ARHGAP6: variants seen among roughly 807,000 people sequenced by gnomAD.
ARHGAP6 encodes the protein Rho GTPase activating protein 6.
A neutral mutation model predicts 55.7 loss-of-function variants in ARHGAP6; 16 were observed. The observed-to-expected ratio is 0.29, with a 90% confidence interval of 0.19 to 0.44. The LOEUF (loss-of-function observed/expected upper bound fraction) is 0.44, where lower values mean the gene tolerates loss of function less well. Among genes scored for constraint, ARHGAP6 ranks in the 20% least tolerant of loss-of-function variants. The pLI, the probability that ARHGAP6 is intolerant of heterozygous loss-of-function variation, is 1.00. For synonymous variants in ARHGAP6, 382 were observed against 360.9 expected (o/e 1.06, Z -0.66); for missense variants, 698 against 808.9 (o/e 0.86, Z 1.66).
At chrX:11,526,956 T>C (rs1033715600) in intron 1 of ARHGAP6, among the ~76,000 whole-genome samples, 2 of 109,267 alleles carry the variant, frequency 1.8e-5, no homozygotes, top group Non-Finnish European at 3.8e-5. Context: ...ATTGATATAA[T>C]GGTTGGAAAA....
intron 1 of ARHGAP6, among the ~76,000 whole-genome samples, chrX:11,531,206 T>G (rs1012968282): frequency 1.8e-5 from 2 of 111,664 alleles, no homozygotes; most frequent in Non-Finnish European, 3.8e-5. Context: ...TCAACTTGCC[T>G]GCAGGTACAG....
intron 1 of ARHGAP6, among the ~76,000 whole-genome samples, chrX:11,339,166 T>G (rs2048674183): frequency 1.8e-5 from 2 of 112,252 alleles, no homozygotes; most frequent in African/African-American, 6.5e-5. Flanking sequence ...CAACAAATAT[T>G]TGCTGAAGGA....
At chrX:11,367,709 A>C in intron 1 of ARHGAP6, 1 of 566,498 alleles carries the variant, frequency 1.8e-6, no homozygotes, top group Non-Finnish European at 2.1e-6. Context: ...TGGAAGTGAC[A>C]GATCTTGTGC....
At chrX:11,273,315 T>C (rs1392987242) in intron 1 of ARHGAP6, among the ~76,000 whole-genome samples, 1 of 110,614 alleles carries the variant, frequency 9.0e-6, no homozygotes, top group Non-Finnish European at 1.9e-5. Context: ...ATTTTTATTT[T>C]AATGAGTCAT....
chrX:11,239,421 A>G (rs2047245627), intron 2 of ARHGAP6, among the ~76,000 whole-genome samples: 1 of 111,342 alleles, frequency 9.0e-6, no homozygotes, highest in Non-Finnish European at 1.9e-5. Flanking sequence ...CTCACAAGCC[A>G]GGCTGAAACT....
intron 1 of ARHGAP6, among the ~76,000 whole-genome samples, chrX:11,593,090 G>A (rs773645761): frequency 2.7e-5 from 3 of 112,107 alleles, no homozygotes; most frequent in Non-Finnish European, 3.8e-5. Context: ...AATTTGCAAC[G>A]AATGACCAGT....
intron 1 of ARHGAP6, among the ~76,000 whole-genome samples, chrX:11,359,833 G>A (rs1343335941): frequency 2.7e-5 from 3 of 111,076 alleles, no homozygotes; most frequent in African/African-American, 6.5e-5. Flanking sequence ...TATCACCACC[G>A]ATCCCACAGA....
In ARHGAP6 at chrX:11,138,737, T is replaced by A; in HGVS notation, c.*126A>T. The A allele has an allele frequency of 1.3e-6, 1 of 777,693 alleles. No individual in the cohort carries two copies. Among genetic ancestry groups the A allele is most frequent in the African/African-American group, 2.1e-5 (1 of 47,368 alleles). The allele number at this position is 777,693 out of a possible 1,213,427, so 64.1% of individuals were successfully genotyped here. A position where few individuals can be genotyped will look rare whatever the true frequency, so the allele number is the denominator to read the frequency against. Reference sequence around the variant, plus strand: ...TCTACCTCTGTAGGTGAACTGGATTTCTCTTGTGTCACTTTTGAGAAGTGT... The same window carrying A: ...TCTACCTCTGTAGGTGAACTGGATTACTCTTGTGTCACTTTTGAGAAGTGT... On this transcript the variant is annotated 3_prime_UTR_variant, in exon 13 of 13. Transcript: ENST00000337414.
At chrX:11,254,728 A>C (rs1446634118) in intron 1 of ARHGAP6, 21 bp from the exon 2 acceptor site, 1 of 1,145,431 alleles carries the variant, frequency 8.7e-7, no homozygotes, top group Non-Finnish European at 1.2e-6. Context: ...AAAAAAAAAA[A>C]AAAAAAAAAA....
At chrX:11,393,034 G>A (rs1379334987) in intron 1 of ARHGAP6, among the ~76,000 whole-genome samples, 1 of 110,958 alleles carries the variant, frequency 9.0e-6, no homozygotes, top group African/African-American at 3.3e-5. Context: ...ATCAAATTCA[G>A]GAAATAGTCA....
intron 1 of ARHGAP6, among the ~76,000 whole-genome samples, chrX:11,517,420 C>A (rs2050853562): frequency 9.0e-6 from 1 of 111,117 alleles, no homozygotes; most frequent in Non-Finnish European, 1.9e-5. Context: ...GAATCAGAGC[C>A]AATAAAACAA....
At chrX:11,381,350 TC>T (rs1422848495) in intron 1 of ARHGAP6, among the ~76,000 whole-genome samples, 1 of 112,379 alleles carries the variant, frequency 8.9e-6, no homozygotes, top group African/African-American at 3.2e-5. Context: ...AAAATCTAGT[TC>T]CATGGCTAAT....
intron 1 of ARHGAP6, among the ~76,000 whole-genome samples, chrX:11,394,964 A>G (rs2049459054): frequency 8.9e-6 from 1 of 112,221 alleles, no homozygotes; most frequent in African/African-American, 3.2e-5. Flanking sequence ...GCAGAACATT[A>G]GTCATGTTGT....
At chrX:11,367,280 C>T (rs185679280) in intron 1 of ARHGAP6, among the ~76,000 whole-genome samples, 28 of 111,827 alleles carry the variant, frequency 2.5e-4, no homozygotes, top group Middle Eastern at 4.6e-3. Context: ...AAAGAGATGG[C>T]TTTCAGAAGA....
At chrX:11,348,644 T>G (rs2048818026) in intron 1 of ARHGAP6, among the ~76,000 whole-genome samples, 1 of 111,624 alleles carries the variant, frequency 9.0e-6, no homozygotes, top group Non-Finnish European at 1.9e-5. Flanking sequence ...TTTGAACATT[T>G]ATTTTTCTGT....
intron 1 of ARHGAP6, among the ~76,000 whole-genome samples, chrX:11,420,148 T>C (rs1486761739): frequency 8.9e-6 from 1 of 111,905 alleles, no homozygotes; most frequent in Non-Finnish European, 1.9e-5. Flanking sequence ...ATGTTTCTTG[T>C]ATTGAAAAGT....
chrX:11,146,829 C>T (rs1034184414), intron 10 of ARHGAP6, among the ~76,000 whole-genome samples: 2 of 111,884 alleles, frequency 1.8e-5, no homozygotes, highest in East Asian at 5.6e-4. Context: ...TAGTAAAATG[C>T]TCTTTCTTAC....
At chrX:11,410,021 T>C (rs1310530216) in intron 1 of ARHGAP6, among the ~76,000 whole-genome samples, 1 of 112,152 alleles carries the variant, frequency 8.9e-6, no homozygotes, top group East Asian at 2.8e-4. Context: ...AACACCATTG[T>C]GGGAATGTAA....
chrX:11,163,725 C>CG (rs2045980011), intron 9 of ARHGAP6, among the ~76,000 whole-genome samples: 1 of 111,815 alleles, frequency 8.9e-6, no homozygotes, highest in African/African-American at 3.3e-5. Context: ...TCTGGGTGCA[C>CG]GGGAGGGTCA....
Sources: allele counts gnomAD v4.1 joint callset (sites outside exome capture counted in the v4.1 genomes callset), GRCh38; gene constraint gnomAD v4.1.1; transcripts MANE v1.5; gene names NCBI Gene and HGNC (gene_info 2026-07-23, HGNC 2026-07-21).